CCDC7: variants seen among roughly 807,000 people sequenced by gnomAD.
CCDC7 encodes coiled-coil domain-containing protein 7.
Under a neutral mutation model 196.9 loss-of-function variants are expected in CCDC7, and 183 were observed. The observed-to-expected ratio is 0.93, with a 90% CI of 0.82 to 1.05. CCDC7 has a LOEUF of 1.05. Ranked by LOEUF, CCDC7 falls within the 50% of genes least tolerant of loss-of-function variation. The pLI is 0.00. For synonymous variants in CCDC7, 525 were observed against 484.6 expected (o/e 1.08, Z -1.10); for missense variants, 1,540 against 1,482.2 (o/e 1.04, Z -0.64).
intron 41 of CCDC7, among the ~76,000 whole-genome samples, chr10:32,871,647 T>G (rs572195046): frequency 1.1e-3 from 168 of 152,256 alleles, no homozygotes; most frequent in African/African-American, 3.9e-3. Flanking sequence ...TGCTAGCTTT[T>G]GAATGTGTTT....
chr10:32,708,647 A>G (rs1190994342), intron 24 of CCDC7, among the ~76,000 whole-genome samples: 2 of 152,250 alleles, frequency 1.3e-5, no homozygotes, highest in Non-Finnish European at 2.9e-5. Flanking sequence ...AACCCCATCA[A>G]AAAGTGGGCG....
At chr10:32,569,729 G>A (rs2057326042) in intron 15 of CCDC7, among the ~76,000 whole-genome samples, 1 of 152,098 alleles carries the variant, frequency 6.6e-6, no homozygotes, top group African/African-American at 2.4e-5. Context: ...CACCCAGCCA[G>A]ATGATTTATA....
chr10:32,685,688 A>G (rs1217837669), intron 21 of CCDC7, among the ~76,000 whole-genome samples: 1 of 152,226 alleles, frequency 6.6e-6, no homozygotes, highest in African/African-American at 2.4e-5. Flanking sequence ...TGTTTGGTTT[A>G]TGACATCTAT....
intron 28 of CCDC7, among the ~76,000 whole-genome samples, chr10:32,762,636 A>G (rs1258845854): frequency 6.6e-6 from 1 of 151,708 alleles, no homozygotes; most frequent in Non-Finnish European, 1.5e-5. Flanking sequence ...ATTTTTAAAA[A>G]ACAACTATGG....
upstream of CCDC7, among the ~76,000 whole-genome samples, chr10:32,444,256 C>T (rs997053613): frequency 4.6e-5 from 7 of 152,132 alleles, no homozygotes; most frequent in Non-Finnish European, 7.4e-5. Context: ...GAAAAAGTTC[C>T]TCTCTATTCA....
rs562434598 is a variant in CCDC7 at position 32,564,779 on chromosome 10, G to A, written c.1135-779G>A. Among the ~76,000 whole-genome samples the A allele has an allele frequency of 1.3e-4, 19 of 151,814 alleles. No individual in the cohort carries two copies. In the South Asian group the frequency reaches 1.5e-3, roughly 12 times the overall value. ...TAACTAACCTGCACATTGTGTACAT[G>A]TACCCTAAAACTTAAAGTATAAAAA... is the stretch of plus-strand genomic sequence containing the variant. On this transcript the variant is annotated intron_variant, in intron 13 of 41. Transcript: ENST00000639629.
chr10:32,817,107 G>T (rs149288058), intron 31 of CCDC7, among the ~76,000 whole-genome samples: 2,165 of 152,124 alleles, frequency 0.014, 25 homozygotes, highest in Non-Finnish European at 0.022. Context: ...TAGACAAATG[G>T]CTAACTAGAA....
chr10:32,567,824 C>G (rs1417065757), exon 15 of CCDC7: 2 of 1,613,206 alleles, frequency 1.2e-6, no homozygotes, highest in Non-Finnish European at 1.7e-6. Flanking sequence ...GAGAAAGAAA[C>G]AAGAAAATCA....
intron 31 of CCDC7, among the ~76,000 whole-genome samples, chr10:32,816,218 C>A (rs562420148): frequency 2.0e-5 from 3 of 152,310 alleles, no homozygotes; most frequent in African/African-American, 7.2e-5. Context: ...GGGTCCTGCG[C>A]CCATGGAGCC....
chr10:32,860,855 GA>G (rs753143423), intron 41 of CCDC7, among the ~76,000 whole-genome samples: 9 of 152,140 alleles, frequency 5.9e-5, no homozygotes, highest in Non-Finnish European at 1.2e-4. Context: ...ACTTACAAGG[GA>G]TGTGAAGGAC....
At chr10:32,584,402 A>G (rs2137542603) in intron 18 of CCDC7, 98 bp downstream of exon 19, 1 of 785,586 alleles carries the variant, frequency 1.3e-6, no homozygotes, top group East Asian at 2.8e-5. Context: ...ATTATTAAAT[A>G]TACAAACAAC....
At chr10:32,853,396 G>C (rs752854912) in intron 40 of CCDC7, among the ~76,000 whole-genome samples, 5 of 152,058 alleles carry the variant, frequency 3.3e-5, no homozygotes, top group Non-Finnish European at 7.4e-5. Flanking sequence ...TTTGGCCTTT[G>C]AATCTAAAAA....
chr10:32,843,373 T>G (rs1377036079), intron 33 of CCDC7, among the ~76,000 whole-genome samples: 1 of 151,988 alleles, frequency 6.6e-6, no homozygotes, highest in Non-Finnish European at 1.5e-5. Context: ...GGGAGTAATA[T>G]TTCTGTACTT....
At chr10:32,731,220 A>C (rs1311264829) in intron 28 of CCDC7, among the ~76,000 whole-genome samples, 1 of 152,140 alleles carries the variant, frequency 6.6e-6, no homozygotes, top group African/African-American at 2.4e-5. Context: ...TTTGACTAAA[A>C]GTCTATTTTG....
chr10:32,516,918 G>A (rs570445357), intron 9 of CCDC7, among the ~76,000 whole-genome samples: 3 of 152,240 alleles, frequency 2.0e-5, no homozygotes, highest in African/African-American at 7.2e-5. Flanking sequence ...CAAACAAAAT[G>A]TCCTTAAAGT....
chr10:32,775,737 G>T (rs1054303865), intron 28 of CCDC7, among the ~76,000 whole-genome samples: 1 of 152,152 alleles, frequency 6.6e-6, no homozygotes, highest in African/African-American at 2.4e-5. Context: ...ACTAGCTGAA[G>T]ATTTGTCCTT....
intron 20 of CCDC7, among the ~76,000 whole-genome samples, chr10:32,649,349 A>G (rs927463260): frequency 3.3e-5 from 5 of 152,192 alleles, no homozygotes; most frequent in African/African-American, 1.2e-4. Flanking sequence ...ATTGGCCCCC[A>G]ATCTTTTCTG....
chr10:32,675,613 CTTT>C (rs1445749709), intron 21 of CCDC7: 1 of 152,312 alleles, frequency 6.6e-6, no homozygotes, highest in Non-Finnish European at 1.5e-5. Flanking sequence ...GATATTTATA[CTTT>C]CATATACTTT....
chr10:32,558,781 G>A (rs1284820033), intron 13 of CCDC7, among the ~76,000 whole-genome samples: 2 of 152,220 alleles, frequency 1.3e-5, no homozygotes, highest in African/African-American at 4.8e-5. Flanking sequence ...CTGAGGTACT[G>A]GGTTCATCTC....
Sources: gnomAD v4.1 joint callset for allele counts (sites outside exome capture counted in the v4.1 genomes callset) on GRCh38, gnomAD v4.1.1 for gene constraint, MANE v1.5 for transcripts, NCBI Gene and HGNC (gene_info 2026-07-23, HGNC 2026-07-21) for gene names.